ENOSF1: variants seen among roughly 807,000 people sequenced by gnomAD.
ENOSF1 encodes the protein mitochondrial enolase superfamily member 1.
ENOSF1 carries 73 observed loss-of-function variants against 68.2 expected under a neutral mutation model. That is an observed-to-expected ratio of 1.07 (90% CI 0.89 to 1.30). The LOEUF is 1.30. Among genes scored for constraint, ENOSF1 ranks in the 50% most tolerant of loss-of-function variants. The probability of loss-of-function intolerance (pLI) is 0.00; values close to 1 mark genes in which losing one functional copy is unlikely to be tolerated. For missense variants in ENOSF1, 589 were observed against 554.5 expected, an observed-to-expected ratio of 1.06 and a Z score of -0.62; for synonymous variants, 223 against 210.4, an observed-to-expected ratio of 1.06 and a Z score of -0.52.
intron 9 of ENOSF1, chr18:688,268 T>C (rs981868344): frequency 3.0e-5 from 10 of 329,040 alleles, no homozygotes; most frequent in Non-Finnish European, 4.6e-5. Context: ...GAGATGTTCA[T>C]GCAGAAACTG....
intron 1 of ENOSF1, among the ~76,000 whole-genome samples, chr18:711,774 G>A (rs1035579975): frequency 1.3e-5 from 2 of 152,194 alleles, no homozygotes; most frequent in Non-Finnish European, 2.9e-5. Context: ...ATTTGCATCA[G>A]TCCTTTCTAA....
rs1322485939 is a variant in ENOSF1 at position 691,183 on chromosome 18, C to T, written c.496+21G>A. On this transcript the variant is annotated intron_variant, in intron 6 of 15. Transcript: ENST00000647584. ...CTACTGTGTGTGCACGTCGTGTATC[C>T]CAGAAAGCTTCCAAACTCACCTAGG... 3 of 1,613,752 alleles carry T rather than the reference C, an allele frequency of 1.9e-6. No homozygotes were observed. The African/African-American group carries it at 4.0e-5, about 22-fold the overall frequency.
At chr18:693,624 C>T (rs1598696253) in intron 5 of ENOSF1, 1 of 985,412 alleles carries the variant, frequency 1.0e-6, no homozygotes, top group African/African-American at 1.7e-5. Flanking sequence ...GAACTGGCAC[C>T]GTGTGTTACA....
chr18:710,562 T>G (rs948442831), intron 1 of ENOSF1, among the ~76,000 whole-genome samples: 4 of 152,158 alleles, frequency 2.6e-5, no homozygotes, highest in Non-Finnish European at 5.9e-5. Flanking sequence ...GTGCCCAGGC[T>G]GGAATGCAGT....
downstream of ENOSF1, among the ~76,000 whole-genome samples, chr18:666,903 AGATGGT>A (rs753248760): frequency 1.8e-3 from 107 of 60,772 alleles, 15 homozygotes; most frequent in South Asian, 0.021. Context: ...ATGGTGATGG[AGATGGT>A]GATGGTGATG....
chr18:711,643 G>A (rs1367594714), intron 1 of ENOSF1, among the ~76,000 whole-genome samples: 1 of 152,192 alleles, frequency 6.6e-6, no homozygotes, highest in African/African-American at 2.4e-5. Context: ...GCTCTAGACG[G>A]GGGCAGGGGA....
intron 3 of ENOSF1, 92 bp downstream of exon 3, chr18:697,148 C>T: frequency 1.1e-6 from 1 of 874,384 alleles, no homozygotes; most frequent in Non-Finnish European, 1.9e-6. Context: ...ATAAATAAAC[C>T]CATCTCTATT....
chr18:698,227 G>A lies in ENOSF1; in HGVS notation c.194-872C>T, dbSNP rs145132499. Among the ~76,000 whole-genome samples, 161 of 152,352 alleles carry A rather than the reference G, an allele frequency of 1.1e-3. 2 individuals carry two copies. The East Asian group carries it at 0.017, about 16-fold the overall frequency. On this transcript the variant is annotated intron_variant, in intron 2 of 15. Coordinates refer to ENST00000647584, the MANE Select transcript of ENOSF1 (RefSeq NM_017512.7). ...CACATGAAAAACAGAATCATAGATT[G>A]ACAAGTTTAAATATAAATGTTCCCA...
intron 1 of ENOSF1, among the ~76,000 whole-genome samples, chr18:710,329 C>T (rs1406105821): frequency 1.3e-5 from 2 of 152,110 alleles, no homozygotes; most frequent in African/African-American, 2.4e-5. Flanking sequence ...AGGCTGGTCT[C>T]GAACTCCTGG....
chr18:666,544 TTG>T (rs1335183534), downstream of ENOSF1, among the ~76,000 whole-genome samples: 1 of 152,134 alleles, frequency 6.6e-6, no homozygotes, highest in Non-Finnish European at 1.5e-5. Flanking sequence ...AATGTGGGGT[TTG>T]TGTGTGCAAT....
chr18:671,088 A>T lies in ENOSF1; in HGVS notation c.*3217T>A. The T allele has an allele frequency of 1.6e-6, 1 of 630,788 alleles. No individual in the cohort carries two copies. The highest frequency in any genetic ancestry group is 3.0e-5 in the Admixed American group (1 of 33,464). 39.1% of individuals were successfully genotyped at this position (630,788 alleles called of 1,614,324 possible). A position where few individuals can be genotyped will look rare whatever the true frequency, so the allele number is the denominator to read the frequency against. On this transcript the variant is annotated 3_prime_UTR_variant, in exon 16 of 16. Coordinates refer to ENST00000647584, the MANE Select transcript of ENOSF1 (RefSeq NM_017512.7). ...AACAGATCTATACAGGTTGTTTGTG[A>T]TACAGCTTCTATGGATTTTCTCAAA...
intron 1 of ENOSF1, chr18:706,813 A>ATT (rs1555673657): frequency 6.0e-5 from 6 of 99,260 alleles, no homozygotes; most frequent in African/African-American, 1.5e-4. Flanking sequence ...ATATATATAT[A>ATT]TATTTTTTTT....
At chr18:685,698 C>T (rs148356452) in intron 10 of ENOSF1, among the ~76,000 whole-genome samples, 2 of 152,244 alleles carry the variant, frequency 1.3e-5, no homozygotes, top group East Asian at 1.9e-4. Context: ...AAGAAAGGAT[C>T]CTTAACCCCA....
At chr18:666,500 C>G (rs1408649112), downstream of ENOSF1, among the ~76,000 whole-genome samples, 1 of 152,096 alleles carries the variant, frequency 6.6e-6, no homozygotes, top group Non-Finnish European at 1.5e-5. Context: ...CAGCCCCTCC[C>G]ACCTGTCCCT....
intron 3 of ENOSF1, among the ~76,000 whole-genome samples, chr18:696,204 C>CTTTTTTTTTTTTTTT (rs368856668): frequency 9.3e-5 from 11 of 118,706 alleles, no homozygotes; most frequent in South Asian, 2.8e-4. Context: ...ACATCTCTCT[C>CTTTTTTTTTTTTTTT]TTTTTTTTTT....
At chr18:705,806 C>T (rs1468900860) in intron 2 of ENOSF1, among the ~76,000 whole-genome samples, 2 of 151,920 alleles carry the variant, frequency 1.3e-5, no homozygotes, top group South Asian at 2.1e-4. Context: ...GTCAGGAGTT[C>T]GAGACCAGCC....
At chr18:685,230 C>A (rs1219795487) in intron 10 of ENOSF1, among the ~76,000 whole-genome samples, 4 of 151,848 alleles carry the variant, frequency 2.6e-5, no homozygotes, top group African/African-American at 4.8e-5. Flanking sequence ...ATCTTGTACT[C>A]CTGAGCTCCG....
intron 1 of ENOSF1, chr18:706,796 T>A (rs2078978064): frequency 5.4e-6 from 1 of 185,506 alleles, no homozygotes; most frequent in Non-Finnish European, 9.4e-6. Context: ...ACAAGAGCAA[T>A]GTATGTATAT....
chr18:711,128 C>G (rs973455731), intron 1 of ENOSF1, among the ~76,000 whole-genome samples: 1 of 151,998 alleles, frequency 6.6e-6, no homozygotes, highest in Non-Finnish European at 1.5e-5. Context: ...CATGATAGTA[C>G]CACTGCACTC....
Sources: allele counts gnomAD v4.1 joint callset (sites outside exome capture counted in the v4.1 genomes callset), GRCh38; gene constraint gnomAD v4.1.1; transcripts MANE v1.5; gene names NCBI Gene and HGNC (gene_info 2026-07-23, HGNC 2026-07-21).